Variants in KIF13B observed in about 807,000 individuals in gnomAD.
The protein encoded by KIF13B is kinesin family member 13B.
KIF13B carries 127 observed loss-of-function variants against 222.0 expected under a neutral mutation model. The ratio of observed to expected loss-of-function variants is 0.57; its 90% confidence interval spans 0.50 to 0.66. The LOEUF (loss-of-function observed/expected upper bound fraction) is 0.66, where lower values mean the gene tolerates loss of function less well. Ranked by LOEUF, KIF13B falls within the 30% of genes least tolerant of loss-of-function variation. KIF13B has a pLI of 0.00. For synonymous variants in KIF13B, 976 were observed against 919.0 expected, an observed-to-expected ratio of 1.06 and a Z score of -1.12; for missense variants, 2,173 against 2,379.0, an observed-to-expected ratio of 0.91 and a Z score of 1.80.
At chr8:29,207,766 CTTAAT>C (rs1052455791) in intron 2 of KIF13B, among the ~76,000 whole-genome samples, 6 of 152,018 alleles carry the variant, frequency 3.9e-5, no homozygotes, top group African/African-American at 1.4e-4. Context: ...CAGGTATACA[CTTAAT>C]TTAAGGTCAC....
At chr8:29,196,377 C>T (rs189370074) in intron 2 of KIF13B, among the ~76,000 whole-genome samples, 178 bp from the exon 3 acceptor site, 105 of 152,160 alleles carry the variant, frequency 6.9e-4, no homozygotes, top group African/African-American at 2.5e-3. Context: ...AAATGAATGT[C>T]TATTAGCTAG....
intron 1 of KIF13B, among the ~76,000 whole-genome samples, chr8:29,253,533 G>T (rs761179772): frequency 6.6e-6 from 1 of 152,010 alleles, no homozygotes; most frequent in Admixed American, 6.6e-5. Flanking sequence ...TTCAGCCTGG[G>T]CAACAGAATG....
rs1811062543 is a variant in KIF13B, at chr8:29,146,456, A to G, written c.2109T>C (p.Ile703=). 2 of 1,613,674 alleles carry G rather than the reference A, an allele frequency of 1.2e-6. No individual in the cohort carries two copies. Among genetic ancestry groups the G allele is most frequent in the African/African-American group, 2.7e-5 (2 of 74,900 alleles). ...ANLLVREANY[I]AEELDKRTEY... Reference sequence around the variant, plus strand: ...CTGTTCTTTTATCCAGCTCCTCAGCAATGTAATTAGCTTCTCTCACCAATA... The same window carrying G: ...CTGTTCTTTTATCCAGCTCCTCAGCGATGTAATTAGCTTCTCTCACCAATA... Residue 703 remains isoleucine (I), a synonymous_variant, in exon 18 of 40, where the codon ATT becomes ATC. Transcript: ENST00000524189.
chr8:29,216,679 T>A (rs1252503086), intron 2 of KIF13B, among the ~76,000 whole-genome samples: 1 of 152,078 alleles, frequency 6.6e-6, no homozygotes, highest in East Asian at 1.9e-4. Flanking sequence ...CCATGGCAAA[T>A]GATACAGGAG....
chr8:29,197,096 G>GC (rs1233344479), intron 2 of KIF13B, among the ~76,000 whole-genome samples: 1 of 151,882 alleles, frequency 6.6e-6, no homozygotes, highest in Non-Finnish European at 1.5e-5. Flanking sequence ...CCAGCACTTT[G>GC]GGAGGCCGAG....
intron 1 of KIF13B, 30 bp downstream of exon 1, chr8:29,262,950 C>T: frequency 2.6e-6 from 4 of 1,544,932 alleles, no homozygotes; most frequent in Non-Finnish European, 3.5e-6. Context: ...CCGCCTCCGC[C>T]CCGGCGGCCC....
chr8:29,222,515 C>CTTTT lies in KIF13B; in HGVS notation c.149+22827_149+22830dup, dbSNP rs58488862. On this transcript the variant is annotated intron_variant, in intron 2 of 39. Transcript: ENST00000524189. ...TCCTGAGCTCAAGTCCCACACCTGA[C>CTTTT]TTTTTTTTTTTTTTTTTTTTTTTTT... is the stretch of plus-strand genomic sequence containing the variant. 1.4e-3 allele frequency among the ~76,000 whole-genome samples: 84 copies of CTTTT among 60,558 alleles called. 11 individuals are homozygous for CTTTT. Among genetic ancestry groups the CTTTT allele is most frequent in the East Asian group, 5.3e-3 (5 of 950 alleles). The allele number at this position is 60,558 out of a possible 152,430, so 39.7% of individuals were successfully genotyped here.
intron 14 of KIF13B, among the ~76,000 whole-genome samples, chr8:29,153,435 T>C (rs1027741785): frequency 6.6e-6 from 1 of 152,178 alleles, no homozygotes; most frequent in Non-Finnish European, 1.5e-5. Context: ...ACTGTGCTGC[T>C]TATCATGAAA....
rs1460918562 is a variant in KIF13B at position 29,067,713 on chromosome 8, ACATACAGGGAACTTTTAAGG to A, written c.*2771_*2790del. 1.3e-5 allele frequency: 2 copies of A among 152,336 alleles called. No homozygotes were observed. The highest frequency in any genetic ancestry group is 2.9e-5 in the Non-Finnish European group (2 of 68,126). The allele number at this position is 152,336 out of a possible 1,614,324, so 9.4% of individuals were successfully genotyped here. A position where few individuals can be genotyped will look rare whatever the true frequency, so the allele number is the denominator to read the frequency against. On this transcript the variant is annotated 3_prime_UTR_variant, in exon 40 of 40. Coordinates refer to ENST00000524189, the MANE Select transcript of KIF13B (RefSeq NM_015254.4). ...ACACACTCTCAGGACTTCCCGTTTCACATACAGGGAACTTTTAAGGCAAGAGGAGAAAATGCTAGGAAGTA... is the reference window on the plus strand; with the variant it reads ...ACACACTCTCAGGACTTCCCGTTTCACAAGAGGAGAAAATGCTAGGAAGTA...
chr8:29,241,934 T>C (rs1203943424), intron 2 of KIF13B, among the ~76,000 whole-genome samples: 1 of 152,128 alleles, frequency 6.6e-6, no homozygotes, highest in African/African-American at 2.4e-5. Flanking sequence ...AGCTTAAACT[T>C]TCCACTTGAA....
intron 1 of KIF13B, among the ~76,000 whole-genome samples, chr8:29,249,547 C>T (rs758621529): frequency 1.7e-4 from 25 of 151,418 alleles, no homozygotes; most frequent in Non-Finnish European, 3.1e-4. Context: ...TTCATTATAA[C>T]TTAAGAGTGT....
chr8:29,202,748 CTT>C (rs1415213215), intron 2 of KIF13B, among the ~76,000 whole-genome samples: 1 of 152,178 alleles, frequency 6.6e-6, no homozygotes. Flanking sequence ...CTGTTCAACT[CTT>C]TTCACTGACA....
In KIF13B at chr8:29,142,208, C is replaced by T; in HGVS notation, c.2283G>A (p.Leu761=). The change falls in exon 19 of 40, where the codon TTG becomes TTA. Residue 761 remains leucine (L), a synonymous_variant. Coordinates refer to ENST00000524189, the MANE Select transcript of KIF13B (RefSeq NM_015254.4). ...WSLEKLDNRL[L]DMRDLYQEWK... Reference sequence around the variant, plus strand: ...ACTCCTGATAAAGGTCTCTCATATCCAACAGCCTGTTGTCCAGTTTTTCCA... The same window carrying T: ...ACTCCTGATAAAGGTCTCTCATATCTAACAGCCTGTTGTCCAGTTTTTCCA... 6.2e-7 allele frequency: 1 copy of T among 1,613,616 alleles called. No individual in the cohort carries two copies. Among genetic ancestry groups the T allele is most frequent in the Non-Finnish European group, 8.5e-7 (1 of 1,179,580 alleles).
rs71222598 is a variant in KIF13B, at chr8:29,197,336, C to CAAAA, written c.150-1141_150-1138dup. ...TGGGCGACAGAGCGAGACTCCGTCT[C>CAAAA]AAAAAAAAAAAAAAAAAAAAAAAAA... On this transcript the variant is annotated intron_variant, in intron 2 of 39. Transcript: ENST00000524189. Among the ~76,000 whole-genome samples, 17 of 57,766 alleles carry CAAAA rather than the reference C, an allele frequency of 2.9e-4. 1 individual carries two copies. Among genetic ancestry groups the CAAAA allele is most frequent in the African/African-American group, 4.3e-4 (6 of 13,876 alleles). 37.9% of individuals were successfully genotyped at this position (57,766 alleles called of 152,430 possible).
upstream of KIF13B, chr8:29,263,269 C>T (rs1816758637): frequency 1.9e-6 from 1 of 534,612 alleles, no homozygotes; most frequent in South Asian, 2.4e-5. Flanking sequence ...GGGCGCGAGT[C>T]GTTTGCTACA....
At position 29,069,256 on chromosome 8, in the gene KIF13B, G is replaced by A. The variant is rs1807138258; in HGVS notation, c.*1248C>T. The stretch of plus-strand genomic sequence containing the variant: ...AGCATAAGTGCCCCAGCCAGGAGGT[G>A]GAGGCCACCCCGGAAGCTTCCGGCT... On this transcript the variant is annotated 3_prime_UTR_variant, in exon 40 of 40. Transcript: ENST00000524189. 1.3e-5 allele frequency: 2 copies of A among 152,298 alleles called. No homozygotes were observed. Among genetic ancestry groups the A allele is most frequent in the African/African-American group, 4.8e-5 (2 of 41,444 alleles). The allele number at this position is 152,298 out of a possible 1,614,324, so 9.4% of individuals were successfully genotyped here. A position where few individuals can be genotyped will look rare whatever the true frequency, so the allele number is the denominator to read the frequency against.
chr8:29,218,269 T>C (rs1414959011), intron 2 of KIF13B, among the ~76,000 whole-genome samples: 1 of 152,212 alleles, frequency 6.6e-6, no homozygotes, highest in African/African-American at 2.4e-5. Context: ...ATTCAGTGAA[T>C]GTTTATTGAA....
chr8:29,137,096 G>T (rs1048522396), intron 21 of KIF13B, among the ~76,000 whole-genome samples: 1 of 152,058 alleles, frequency 6.6e-6, no homozygotes, highest in African/African-American at 2.4e-5. Flanking sequence ...CGCCGCGCCC[G>T]GCCCTGTGAC....
Position 29,123,362 on chromosome 8 carries a change from A to G in KIF13B, c.3479+4T>C. The stretch of plus-strand genomic sequence containing the variant: ...CCTCACAAGACGCACCACAGGGTTC[A>G]TACCATTCTGCTGGGGCCCCTGGAA... On this transcript the variant is annotated splice_donor_region_variant and intron_variant, in intron 28 of 39. Coordinates refer to ENST00000524189, the MANE Select transcript of KIF13B (RefSeq NM_015254.4). 1.2e-6 allele frequency: 2 copies of G among 1,613,756 alleles called. No individual in the cohort carries two copies. The highest frequency in any genetic ancestry group is 2.2e-5 in the South Asian group (2 of 91,084).
Sources: gnomAD v4.1 joint callset for allele counts (sites outside exome capture counted in the v4.1 genomes callset) on GRCh38, gnomAD v4.1.1 for gene constraint, MANE v1.5 for transcripts, NCBI Gene and HGNC (gene_info 2026-07-23, HGNC 2026-07-21) for gene names.